Variants in OPCML observed in about 807,000 individuals in gnomAD.
OPCML encodes the protein opioid binding protein/cell adhesion molecule like, also known as opioid-binding protein/cell adhesion molecule.
Under a neutral mutation model 37.8 loss-of-function variants are expected in OPCML, and 13 were observed. The ratio of observed to expected loss-of-function variants is 0.34; its 90% CI spans 0.22 to 0.55. The LOEUF (loss-of-function observed/expected upper bound fraction) is 0.55. OPCML is among the 20% of genes least tolerant of loss of function. The probability of loss-of-function intolerance (pLI) is 0.91; values close to 1 mark genes in which losing one functional copy is unlikely to be tolerated. For synonymous variants in OPCML, 176 were observed against 168.8 expected (o/e 1.04, Z -0.33); for missense variants, 341 against 435.6 (o/e 0.78, Z 1.93).
chr11:133,437,217 T>A (rs1946252089), intron 1 of OPCML, among the ~76,000 whole-genome samples: 1 of 152,218 alleles, frequency 6.6e-6, no homozygotes, highest in Non-Finnish European at 1.5e-5. Context: ...GCAAGCCGAA[T>A]GCTGTCATTA....
At chr11:132,546,015 C>T (rs915244130) in intron 3 of OPCML, among the ~76,000 whole-genome samples, 1 of 152,178 alleles carries the variant, frequency 6.6e-6, no homozygotes. Context: ...TGTTCCAATC[C>T]ACTAAAAACC....
intron 2 of OPCML, among the ~76,000 whole-genome samples, chr11:132,759,641 G>A (rs186722756): frequency 5.1e-4 from 77 of 152,082 alleles, no homozygotes; most frequent in Admixed American, 2.2e-3. Context: ...GGGATCAGTG[G>A]TGATATCCCC....
Position 132,943,447 on chromosome 11 carries a change from C to G in OPCML, c.62-437G>C. 3.0e-6 allele frequency: 1 copy of G among 330,966 alleles called. No homozygotes were observed. The highest frequency in any genetic ancestry group is 5.7e-6 in the Non-Finnish European group (1 of 174,720). The allele number at this position is 330,966 out of a possible 1,614,324, so 20.5% of individuals were successfully genotyped here. On this transcript the variant is annotated intron_variant, in intron 1 of 7. Coordinates refer to ENST00000524381, the MANE Select transcript of OPCML (RefSeq NM_001012393.5). The surrounding 1 kb of genome is among the most constrained non-coding windows in gnomAD (Gnocchi z 4.3). ...CTCTGCCTCTCTCTTCGAGACGCTA[C>G]TTTAAGATTCAGTTGGGCACGTTCT...
chr11:132,500,881 A>T (rs1156588149), intron 4 of OPCML, among the ~76,000 whole-genome samples: 1 of 152,202 alleles, frequency 6.6e-6, no homozygotes, highest in Non-Finnish European at 1.5e-5. Flanking sequence ...AAAGGACATG[A>T]ACTTATTCTT....
intron 1 of OPCML, among the ~76,000 whole-genome samples, chr11:133,246,671 G>C (rs1382881539): frequency 6.6e-6 from 1 of 152,170 alleles, no homozygotes; most frequent in Non-Finnish European, 1.5e-5. Context: ...GAATTCTTCT[G>C]CATTTCTTAC....
chr11:132,973,915 A>T (rs1401309524), intron 1 of OPCML, among the ~76,000 whole-genome samples: 1 of 151,944 alleles, frequency 6.6e-6, no homozygotes, highest in Non-Finnish European at 1.5e-5. Flanking sequence ...CACGGAGTGG[A>T]TCTGGCCTAG....
intron 1 of OPCML, among the ~76,000 whole-genome samples, chr11:133,168,974 C>T (rs1950251626): frequency 6.6e-6 from 1 of 151,998 alleles, no homozygotes; most frequent in Admixed American, 6.6e-5. Context: ...ACTAAAAATA[C>T]AAAAAGCTAG....
intron 2 of OPCML, among the ~76,000 whole-genome samples, chr11:132,896,936 A>G (rs1943873183): frequency 6.6e-6 from 1 of 152,206 alleles, no homozygotes; most frequent in African/African-American, 2.4e-5. Context: ...ACCAAGAAAG[A>G]GATACCATGC....
chr11:133,015,431 TGAAGGAAGGAAGGAAGGAAGGAATGAAG>T (rs1947311724), intron 1 of OPCML, among the ~76,000 whole-genome samples: 4 of 46,104 alleles, frequency 8.7e-5, no homozygotes, highest in African/African-American at 3.4e-4. Context: ...AAGGAAGGAA[TGAAGGAAGGAAGGAAGGAAGGAATGAAG>T]GAAGGAAGGA....
chr11:132,461,602 C>T (rs192762796), intron 4 of OPCML, among the ~76,000 whole-genome samples: 1 of 152,068 alleles, frequency 6.6e-6, no homozygotes, highest in Non-Finnish European at 1.5e-5. Context: ...ATTAATTAGA[C>T]CCTGGGAGCA....
At chr11:132,845,722 G>A (rs146895327) in intron 2 of OPCML, among the ~76,000 whole-genome samples, 22 of 152,242 alleles carry the variant, frequency 1.4e-4, no homozygotes, top group African/African-American at 3.9e-4. Context: ...AGAGATTCCC[G>A]TCACTCTGTC....
At chr11:132,968,530 T>A (rs1378368748) in intron 1 of OPCML, among the ~76,000 whole-genome samples, 1 of 152,178 alleles carries the variant, frequency 6.6e-6, no homozygotes, top group Non-Finnish European at 1.5e-5. Context: ...GTACCACCCC[T>A]ATGATAACCC....
At chr11:132,843,462 C>A (rs1941387296) in intron 2 of OPCML, among the ~76,000 whole-genome samples, 1 of 152,028 alleles carries the variant, frequency 6.6e-6, no homozygotes, top group South Asian at 2.1e-4. Flanking sequence ...TGCAACGGTT[C>A]TAGAAAAGGG....
intron 7 of OPCML, among the ~76,000 whole-genome samples, chr11:132,424,677 A>C (rs528869044): frequency 2.6e-5 from 4 of 152,236 alleles, no homozygotes; most frequent in Non-Finnish European, 5.9e-5. Flanking sequence ...CTGTGATCTT[A>C]GGCAAGATAC....
intron 1 of OPCML, among the ~76,000 whole-genome samples, chr11:133,492,436 T>A (rs1292023880): frequency 1.3e-5 from 2 of 152,078 alleles, no homozygotes; most frequent in South Asian, 4.2e-4. Flanking sequence ...CAGCCTTATA[T>A]AAAAGCAAAG....
chr11:133,262,119 A>G (rs1941514061), intron 1 of OPCML, among the ~76,000 whole-genome samples: 1 of 152,202 alleles, frequency 6.6e-6, no homozygotes, highest in Non-Finnish European at 1.5e-5. Flanking sequence ...GATGTACGGC[A>G]TGATGTTTTG....
chr11:132,521,721 C>G (rs771503064), intron 4 of OPCML, among the ~76,000 whole-genome samples: 1 of 151,914 alleles, frequency 6.6e-6, no homozygotes, highest in Non-Finnish European at 1.5e-5. Flanking sequence ...ACAAGTATAC[C>G]TATGTAACAA....
intron 1 of OPCML, among the ~76,000 whole-genome samples, chr11:133,404,498 A>C (rs1235732441): frequency 2.6e-5 from 4 of 152,178 alleles, no homozygotes; most frequent in African/African-American, 7.2e-5. Context: ...AATCCCAAAA[A>C]GTAAGCAAAT....
intron 2 of OPCML, among the ~76,000 whole-genome samples, chr11:132,705,768 G>A (rs1037405344): frequency 2.0e-5 from 3 of 151,990 alleles, no homozygotes; most frequent in Non-Finnish European, 4.4e-5. Flanking sequence ...GCAGAACTGT[G>A]AACCTATTAA....
Sources: gnomAD v4.1 joint callset for allele counts (sites outside exome capture counted in the v4.1 genomes callset) on GRCh38, gnomAD v4.1.1 for gene constraint, Gnocchi (gnomAD v3.1) non-coding constraint, MANE v1.5 for transcripts, NCBI Gene and HGNC (gene_info 2026-07-23, HGNC 2026-07-21) for gene names.